PUM2: variants seen among roughly 807,000 people sequenced by gnomAD.
PUM2 encodes the protein pumilio homolog 2.
PUM2 carries 57 observed loss-of-function variants against 124.5 expected under a neutral mutation model. The observed-to-expected ratio is 0.46, with a 90% CI of 0.37 to 0.57. PUM2 has a LOEUF of 0.57. Among genes scored for constraint, PUM2 ranks in the 20% least tolerant of loss-of-function variants. The pLI, the probability that PUM2 is intolerant of heterozygous loss-of-function variation, is 0.00. For synonymous variants in PUM2, 460 were observed against 446.1 expected, an observed-to-expected ratio of 1.03 and a Z score of -0.39; for missense variants, 1,065 against 1,290.6, an observed-to-expected ratio of 0.83 and a Z score of 2.68.
At chr2:20,269,942 T>C (rs1001109550) in intron 13 of PUM2, among the ~76,000 whole-genome samples, 2 of 152,180 alleles carry the variant, frequency 1.3e-5, no homozygotes, top group African/African-American at 2.4e-5. Context: ...TAACATAACA[T>C]AGTCTTCAGA....
At chr2:20,325,996 C>G (rs892795399) in intron 2 of PUM2, among the ~76,000 whole-genome samples, 1 of 152,094 alleles carries the variant, frequency 6.6e-6, no homozygotes, top group Non-Finnish European at 1.5e-5. Context: ...ACTGTTCAAC[C>G]CTGCTTTTAA....
At chr2:20,298,537 G>A (rs771916732) in intron 7 of PUM2, among the ~76,000 whole-genome samples, 1 of 152,126 alleles carries the variant, frequency 6.6e-6, no homozygotes, top group Non-Finnish European at 1.5e-5. Context: ...ACAGCTACTG[G>A]AAAAAATTAC....
rs72044779 is a variant in PUM2 at position 20,268,641 on chromosome 2, A to AATATATATAT, written c.1958-5191_1958-5182dup. 2.4e-3 allele frequency among the ~76,000 whole-genome samples: 365 copies of AATATATATAT among 150,342 alleles called. 1 individual carries two copies. The highest frequency in any genetic ancestry group is 8.7e-3 in the African/African-American group (356 of 41,042). ...TAAACAAACAAAACAAAACAAACAAAATATATATATATATATGTATGTCAG... is the reference window on the plus strand; with the variant it reads ...TAAACAAACAAAACAAAACAAACAAAATATATATATATATATATATATATATGTATGTCAG... On this transcript the variant is annotated intron_variant, in intron 13 of 20. Transcript: ENST00000361078.
intron 12 of PUM2, among the ~76,000 whole-genome samples, chr2:20,282,631 A>G (rs1671798616): frequency 6.6e-6 from 1 of 152,242 alleles, no homozygotes; most frequent in African/African-American, 2.4e-5. Context: ...AATGAAGATG[A>G]GCTAATAATT....
intron 10 of PUM2, among the ~76,000 whole-genome samples, chr2:20,286,903 C>A: frequency 6.6e-6 from 1 of 152,030 alleles, no homozygotes; most frequent in Non-Finnish European, 1.5e-5. Context: ...GCCATACAAC[C>A]CTGATCGTGC....
chr2:20,347,674 C>T (rs539763792), intron 1 of PUM2, among the ~76,000 whole-genome samples: 8 of 152,212 alleles, frequency 5.3e-5, no homozygotes, highest in Non-Finnish European at 1.2e-4. Context: ...GACTGAAAGA[C>T]ACAGTAGTTG....
intron 2 of PUM2, among the ~76,000 whole-genome samples, chr2:20,324,337 C>T (rs1456950903): frequency 2.0e-5 from 3 of 152,268 alleles, no homozygotes; most frequent in Admixed American, 6.5e-5. Flanking sequence ...TTCTTTAATG[C>T]TTTCTTTATA....
chr2:20,261,629 C>T (rs920056812), intron 14 of PUM2, among the ~76,000 whole-genome samples: 10 of 151,562 alleles, frequency 6.6e-5, no homozygotes, highest in African/African-American at 2.2e-4. Context: ...ATAGGTGTTG[C>T]TGCTAAAGAT....
At chr2:20,346,208 T>C (rs1358121511) in intron 1 of PUM2, among the ~76,000 whole-genome samples, 1 of 152,194 alleles carries the variant, frequency 6.6e-6, no homozygotes, top group Non-Finnish European at 1.5e-5. Context: ...TCTGTTCATG[T>C]TGAATTGGTT....
At chr2:20,345,253 AG>A (rs1400465860) in intron 1 of PUM2, among the ~76,000 whole-genome samples, 1 of 151,658 alleles carries the variant, frequency 6.6e-6, no homozygotes, top group Admixed American at 6.6e-5. Context: ...TTGGACTGTA[AG>A]TGCGTGCCAC....
chr2:20,293,492 T>A (rs1674735221), intron 9 of PUM2, among the ~76,000 whole-genome samples: 1 of 152,146 alleles, frequency 6.6e-6, no homozygotes, highest in Admixed American at 6.5e-5. Flanking sequence ...GTGGATTACT[T>A]GAGGCCAGGA....
intron 1 of PUM2, among the ~76,000 whole-genome samples, chr2:20,344,047 T>A (rs185672655): frequency 6.8e-6 from 1 of 146,642 alleles, no homozygotes; most frequent in Non-Finnish European, 1.5e-5. Flanking sequence ...TTTCATAGTA[T>A]CATTTTACTT....
intron 12 of PUM2, among the ~76,000 whole-genome samples, chr2:20,282,057 CAG>C (rs1671661810): frequency 1.3e-5 from 2 of 152,286 alleles, no homozygotes; most frequent in Admixed American, 1.3e-4. Flanking sequence ...GTTATAGAAA[CAG>C]AAAATCTCTT....
chr2:20,327,726 A>G (rs959911706), intron 1 of PUM2, among the ~76,000 whole-genome samples: 13 of 152,248 alleles, frequency 8.5e-5, no homozygotes, highest in African/African-American at 3.1e-4. Context: ...TTTAAATGGC[A>G]TTTCTGCCCG....
chr2:20,311,358 T>C (rs1421058963), intron 5 of PUM2, 136 bp downstream of exon 5: 1 of 1,070,852 alleles, frequency 9.3e-7, no homozygotes, highest in Admixed American at 3.5e-5. Flanking sequence ...AGTAAAAAAC[T>C]AAAATTTGTC....
At chr2:20,312,089 G>T in intron 4 of PUM2, 147 bp downstream of exon 4, 1 of 703,520 alleles carries the variant, frequency 1.4e-6, no homozygotes, top group Non-Finnish European at 2.3e-6. Context: ...TTTTCAAGTG[G>T]CTAAGCAGAA....
At chr2:20,322,381 G>A (rs1391990577) in intron 2 of PUM2, among the ~76,000 whole-genome samples, 5 of 152,192 alleles carry the variant, frequency 3.3e-5, no homozygotes, top group African/African-American at 1.2e-4. Context: ...CCAGGAGCTA[G>A]AGACCAGCCT....
At chr2:20,330,490 G>A (rs1426915463) in intron 1 of PUM2, among the ~76,000 whole-genome samples, 1 of 152,142 alleles carries the variant, frequency 6.6e-6, no homozygotes, top group Non-Finnish European at 1.5e-5. Context: ...TAATGCCTAT[G>A]TAATGAGGTG....
intron 1 of PUM2, among the ~76,000 whole-genome samples, chr2:20,342,909 G>T (rs2149094013): frequency 6.6e-6 from 1 of 152,248 alleles, no homozygotes; most frequent in African/African-American, 2.4e-5. Flanking sequence ...CATCTAGGTA[G>T]AAATGTATGG....
Sources: gnomAD v4.1 joint callset for allele counts (sites outside exome capture counted in the v4.1 genomes callset) on GRCh38, gnomAD v4.1.1 for gene constraint, MANE v1.5 for transcripts, NCBI Gene and HGNC (gene_info 2026-07-23, HGNC 2026-07-21) for gene names.